Variants in CAP2 observed in about 807,000 individuals in gnomAD.
The protein encoded by CAP2 is adenylyl cyclase-associated protein 2.
CAP2 carries 24 observed loss-of-function variants against 57.7 expected under a neutral mutation model. That is an observed-to-expected ratio of 0.42 (90% CI 0.30 to 0.58). The LOEUF (loss-of-function observed/expected upper bound fraction) is 0.58. Ranked by LOEUF, CAP2 falls within the 20% of genes least tolerant of loss-of-function variation. The pLI, the probability that CAP2 is intolerant of heterozygous loss-of-function variation, is 0.22. For synonymous variants in CAP2, 194 were observed against 207.2 expected, an observed-to-expected ratio of 0.94 and a Z score of 0.55; for missense variants, 501 against 590.3, an observed-to-expected ratio of 0.85 and a Z score of 1.57.
intron 4 of CAP2, among the ~76,000 whole-genome samples, chr6:17,479,787 AT>A (rs1035411939): frequency 1.7e-4 from 26 of 149,084 alleles, no homozygotes; most frequent in African/African-American, 5.2e-4. Context: ...AATTTTTTGT[AT>A]TTTTTTTTAG....
At chr6:17,428,233 C>T (rs910756746) in intron 3 of CAP2, among the ~76,000 whole-genome samples, 1 of 152,098 alleles carries the variant, frequency 6.6e-6, no homozygotes, top group African/African-American at 2.4e-5. Flanking sequence ...TTAAAGGTAC[C>T]TAAGCTAGCC....
intron 7 of CAP2, among the ~76,000 whole-genome samples, chr6:17,524,023 C>G (rs1220873470): frequency 6.8e-6 from 1 of 146,264 alleles, no homozygotes; most frequent in African/African-American, 2.6e-5. Flanking sequence ...TTGCAGTGAG[C>G]TGAGATCGCG....
chr6:17,487,266 C>G (rs1422423900), intron 4 of CAP2, among the ~76,000 whole-genome samples: 2 of 152,142 alleles, frequency 1.3e-5, no homozygotes, highest in Non-Finnish European at 2.9e-5. Context: ...AGAAACACTC[C>G]CAATTGGTAT....
intron 1 of CAP2, among the ~76,000 whole-genome samples, chr6:17,406,464 G>C (rs1401306461): frequency 6.7e-6 from 1 of 148,730 alleles, no homozygotes; most frequent in Non-Finnish European, 1.5e-5. Context: ...TGCAATCTCG[G>C]CTCACTGCAA....
At chr6:17,403,249 G>A (rs1758862471) in intron 1 of CAP2, among the ~76,000 whole-genome samples, 2 of 152,090 alleles carry the variant, frequency 1.3e-5, no homozygotes, top group Admixed American at 1.3e-4. Context: ...CTACAGGCGC[G>A]AGCCACCATG....
chr6:17,424,921 T>A (rs1022954608), intron 2 of CAP2, among the ~76,000 whole-genome samples: 1 of 152,262 alleles, frequency 6.6e-6, no homozygotes, highest in Non-Finnish European at 1.5e-5. Context: ...CAGGTTTATC[T>A]GTCTCCAAAC....
chr6:17,535,653 T>G (rs1227107438), intron 7 of CAP2, among the ~76,000 whole-genome samples: 1 of 152,118 alleles, frequency 6.6e-6, no homozygotes, highest in East Asian at 1.9e-4. Context: ...GATATGTGAT[T>G]CAATAATGTC....
chr6:17,511,006 A>T (rs1762131968), intron 6 of CAP2, among the ~76,000 whole-genome samples: 1 of 152,204 alleles, frequency 6.6e-6, no homozygotes, highest in Non-Finnish European at 1.5e-5. Context: ...GTTCACAAAG[A>T]GGGTTCAGTA....
intron 4 of CAP2, among the ~76,000 whole-genome samples, chr6:17,472,561 G>A (rs1289178737): frequency 6.6e-6 from 1 of 152,180 alleles, no homozygotes; most frequent in Non-Finnish European, 1.5e-5. Context: ...AGTAGCAGAA[G>A]GTGGAGAAGT....
At chr6:17,541,937 G>T (rs1003201365) in intron 9 of CAP2, among the ~76,000 whole-genome samples, 1 of 152,202 alleles carries the variant, frequency 6.6e-6, no homozygotes, top group South Asian at 2.1e-4. Flanking sequence ...TAAAATAGAC[G>T]TAGCATAAAA....
At chr6:17,489,358 G>A (rs1761495256) in intron 4 of CAP2, among the ~76,000 whole-genome samples, 1 of 152,208 alleles carries the variant, frequency 6.6e-6, no homozygotes, top group Non-Finnish European at 1.5e-5. Context: ...CTTGAGCCTG[G>A]TAGGCGGAGG....
At chr6:17,490,678 CA>C (rs1761522859) in intron 4 of CAP2, among the ~76,000 whole-genome samples, 1 of 152,096 alleles carries the variant, frequency 6.6e-6, no homozygotes, top group Non-Finnish European at 1.5e-5. Flanking sequence ...TGCATGGGTC[CA>C]ATCAGAACAA....
chr6:17,553,820 A>T (rs1763229385), intron 12 of CAP2, among the ~76,000 whole-genome samples: 1 of 152,144 alleles, frequency 6.6e-6, no homozygotes, highest in Admixed American at 6.5e-5. Flanking sequence ...ACTCGTTAGC[A>T]TATTACTAAC....
chr6:17,547,642 C>T (rs569682745), intron 11 of CAP2, among the ~76,000 whole-genome samples: 15 of 151,720 alleles, frequency 9.9e-5, no homozygotes, highest in South Asian at 2.1e-4. Flanking sequence ...GAGATTGAGA[C>T]CATCCTGGCT....
intron 2 of CAP2, among the ~76,000 whole-genome samples, chr6:17,422,966 C>T (rs1759486556): frequency 6.6e-6 from 1 of 152,102 alleles, no homozygotes; most frequent in Non-Finnish European, 1.5e-5. Context: ...GTGTTATGCA[C>T]CTACAGCAAA....
chr6:17,423,495 A>G (rs912615190), intron 2 of CAP2, among the ~76,000 whole-genome samples: 14 of 152,280 alleles, frequency 9.2e-5, no homozygotes, highest in African/African-American at 3.4e-4. Context: ...ACTTTGTTTC[A>G]TTATACTGTT....
intron 4 of CAP2, among the ~76,000 whole-genome samples, chr6:17,469,592 G>A (rs1760964428): frequency 6.6e-6 from 1 of 152,102 alleles, no homozygotes; most frequent in Non-Finnish European, 1.5e-5. Flanking sequence ...TCCTCCATAA[G>A]GGGGAGAGAG....
intron 1 of CAP2, among the ~76,000 whole-genome samples, chr6:17,419,658 C>T (rs1759379100): frequency 6.6e-6 from 1 of 151,830 alleles, no homozygotes; most frequent in South Asian, 2.1e-4. Context: ...TGTTTGGAAG[C>T]AGGAAGCATG....
rs755378236 is a variant in CAP2 at position 17,426,583 on chromosome 6, C to G, written c.122-7C>G. The G allele has an allele frequency of 6.2e-7, 1 of 1,607,796 alleles. No individual in the cohort carries two copies. The highest frequency in any genetic ancestry group is 1.3e-5 in the African/African-American group (1 of 74,874). On this transcript the variant is annotated splice_polypyrimidine_tract_variant and splice_region_variant and intron_variant, in intron 2 of 12. Coordinates refer to ENST00000229922, the MANE Select transcript of CAP2 (RefSeq NM_006366.3). ...CCAGGGAATAACAAACTGCTCCTTT[C>G]CCCAAGGTGTGGCACCCTCCGTGGA... is the stretch of plus-strand genomic sequence containing the variant.
Sources: allele counts gnomAD v4.1 joint callset (sites outside exome capture counted in the v4.1 genomes callset), GRCh38; gene constraint gnomAD v4.1.1; transcripts MANE v1.5; gene names NCBI Gene and HGNC (gene_info 2026-07-23, HGNC 2026-07-21).